HPR: variants seen among roughly 807,000 people sequenced by gnomAD.
HPR encodes haptoglobin-related protein.
In HPR, 17 loss-of-function variants were observed where a neutral mutation model predicts 18.5. The observed-to-expected ratio is 0.92, with a 90% CI of 0.63 to 1.38. The LOEUF (loss-of-function observed/expected upper bound fraction) is 1.38. HPR is among the 40% of genes most tolerant of loss of function. The pLI, the probability that HPR is intolerant of heterozygous loss-of-function variation, is 0.00. For synonymous variants in HPR, 176 were observed against 165.0 expected (o/e 1.07, Z -0.51); for missense variants, 457 against 432.4 (o/e 1.06, Z -0.51).
chr16:72,076,440 G>A lies in HPR; in HGVS notation c.406G>A (p.Glu136Lys), dbSNP rs1009187050. ...NLTTGATLIN[E>K]QWLLTTAKNL... is the part of the protein sequence containing the mutation. ...CACCACAGGGGCCACGCTGATCAAT[G>A]AACAATGGCTGCTGACCACGGCTAA... Residue 136 changes from glutamate to lysine, a missense_variant, in exon 5 of 5, where the codon GAA becomes AAA. By Grantham distance (56) the Glu-to-Lys change is moderately conservative (BLOSUM62 1). Coordinates refer to ENST00000540303, the MANE Select transcript of HPR (RefSeq NM_020995.4). 3 of 1,614,044 alleles carry A rather than the reference G, an allele frequency of 1.9e-6. No individual in the cohort carries two copies. The highest frequency in any genetic ancestry group is 1.3e-5 in the African/African-American group (1 of 74,928).
intron 1 of HPR, among the ~76,000 whole-genome samples, chr16:72,071,294 G>A (rs2041652809): frequency 6.6e-6 from 1 of 152,172 alleles, no homozygotes; most frequent in South Asian, 2.1e-4. Flanking sequence ...CAAATGCTTG[G>A]CTAAAATGGA....
intron 1 of HPR, among the ~76,000 whole-genome samples, chr16:72,069,025 T>A (rs547256341): frequency 2.4e-4 from 37 of 152,274 alleles, no homozygotes; most frequent in Non-Finnish European, 4.1e-4. Flanking sequence ...ACACAACGGG[T>A]ATCCAGTAAT....
At chr16:72,068,021 G>A (rs2041615868) in intron 1 of HPR, among the ~76,000 whole-genome samples, 1 of 152,130 alleles carries the variant, frequency 6.6e-6, no homozygotes, top group Non-Finnish European at 1.5e-5. Flanking sequence ...GAAAACAATG[G>A]TATCAATGGA....
At chr16:72,073,766 GTGTGTGTGTATGCA>G (rs2041682281) in intron 1 of HPR, 112 bp from the exon 2 acceptor site, 3 of 1,580,356 alleles carry the variant, frequency 1.9e-6, no homozygotes, top group Non-Finnish European at 8.6e-7. Flanking sequence ...AGTGGGAGGA[GTGTGTGTGTATGCA>G]TGTGTGTGTG....
intron 1 of HPR, among the ~76,000 whole-genome samples, chr16:72,070,445 T>A (rs1276167835): frequency 6.6e-6 from 1 of 152,144 alleles, no homozygotes; most frequent in Admixed American, 6.5e-5. Flanking sequence ...TCAAACCAGC[T>A]TGGGAAGGAC....
intron 1 of HPR, among the ~76,000 whole-genome samples, chr16:72,065,324 C>T (rs1031007012): frequency 2.6e-5 from 4 of 151,960 alleles, no homozygotes; most frequent in Admixed American, 6.6e-5. Flanking sequence ...GATTGAGCCA[C>T]AGAAAGCTCC....
chr16:72,064,311 C>A (rs1404581018), intron 1 of HPR, among the ~76,000 whole-genome samples: 1 of 152,144 alleles, frequency 6.6e-6, no homozygotes, highest in African/African-American at 2.4e-5. Context: ...GTTTAGCCTG[C>A]TTAAGTTTCC....
rs760725981 is a variant in HPR, at chr16:72,067,548, G to A, written c.5+4288G>A. Among the ~76,000 whole-genome samples the A allele has an allele frequency of 1.3e-4, 20 of 152,108 alleles. 1 individual carries two copies. Among genetic ancestry groups the A allele is most frequent in the Non-Finnish European group, 2.1e-4 (14 of 68,036 alleles). ...CTTCATTAAACTTACTCACCACGGC[G>A]GATGAGAAATACATTCATCCTGATG... On this transcript the variant is annotated intron_variant, in intron 1 of 4. Coordinates refer to ENST00000540303, the MANE Select transcript of HPR (RefSeq NM_020995.4).
intron 1 of HPR, among the ~76,000 whole-genome samples, chr16:72,070,986 G>C (rs1256694719): frequency 6.6e-6 from 1 of 152,052 alleles, no homozygotes; most frequent in African/African-American, 2.4e-5. Context: ...ACCCCTCATT[G>C]CTAATTATAG....
At chr16:72,074,195 T>C in intron 2 of HPR, 89 bp from the exon 3 acceptor site, 1 of 1,297,070 alleles carries the variant, frequency 7.7e-7, no homozygotes, top group Non-Finnish European at 1.1e-6. Flanking sequence ...GAGATTGATG[T>C]GCAGAGCAGC....
Position 72,076,518 on chromosome 16 carries a change from A to G in HPR, c.484A>G (p.Thr162Ala). 6.2e-7 allele frequency: 1 copy of G among 1,614,110 alleles called. No homozygotes were observed. The highest frequency in any genetic ancestry group is 1.1e-5 in the South Asian group (1 of 91,074). Residue 162 changes from threonine (T) to alanine (A), a missense_variant, in exon 5 of 5, where the codon ACT becomes GCT. Coordinates refer to ENST00000540303, the MANE Select transcript of HPR (RefSeq NM_020995.4). ...TGCAACAGCGAAAGACATTGCCCCT[A>G]CTTTAACACTCTATGTGGGGAAAAA... ...ENATAKDIAP[T>A]LTLYVGKKQL...
intron 1 of HPR, 110 bp from the exon 2 acceptor site, chr16:72,073,780 ATG>A (rs754171130): frequency 2.0e-5 from 32 of 1,586,940 alleles, no homozygotes; most frequent in East Asian, 9.2e-5. Flanking sequence ...GTGTGTATGC[ATG>A]TGTGTGTGTG....
At chr16:72,074,430 C>A in intron 3 of HPR, 45 bp downstream of exon 3, 1 of 1,471,186 alleles carries the variant, frequency 6.8e-7, no homozygotes, top group Non-Finnish European at 9.5e-7. Flanking sequence ...ACAACCCCTG[C>A]TCTGACATTT....
At chr16:72,065,376 A>C (rs1363446244) in intron 1 of HPR, among the ~76,000 whole-genome samples, 1 of 152,114 alleles carries the variant, frequency 6.6e-6, no homozygotes, top group Non-Finnish European at 1.5e-5. Flanking sequence ...GAACTGAGCC[A>C]CAGCAAGCCT....
rs536378160 is a variant in HPR, at chr16:72,067,732, G to A, written c.5+4472G>A. ...TATAATTGAAAGTCTCATTAATGATGGGCTTCTTGAACCCTGTATGTCTCC... is the reference window on the plus strand; with the variant it reads ...TATAATTGAAAGTCTCATTAATGATAGGCTTCTTGAACCCTGTATGTCTCC... On this transcript the variant is annotated intron_variant, in intron 1 of 4. Coordinates refer to ENST00000540303, the MANE Select transcript of HPR (RefSeq NM_020995.4). Among the ~76,000 whole-genome samples the A allele has an allele frequency of 3.1e-3, 467 of 152,158 alleles. 1 individual carries two copies. Among genetic ancestry groups the A allele is most frequent in the South Asian group, 0.013 (65 of 4,816 alleles).
At chr16:72,063,928 C>A (rs3794695) in intron 1 of HPR, among the ~76,000 whole-genome samples, 1 of 151,820 alleles carries the variant, frequency 6.6e-6, no homozygotes, top group African/African-American at 2.4e-5. Context: ...TTTTTAGTAG[C>A]GATGTGGTTC....
intron 4 of HPR, among the ~76,000 whole-genome samples, chr16:72,075,812 C>T (rs193140997): frequency 2.0e-5 from 3 of 151,936 alleles, no homozygotes; most frequent in Non-Finnish European, 4.4e-5. Flanking sequence ...TAGCTCCTAG[C>T]CCTTTCTTTT....
intron 1 of HPR, among the ~76,000 whole-genome samples, chr16:72,066,670 C>T (rs1485402892): frequency 6.6e-6 from 1 of 152,118 alleles, no homozygotes; most frequent in Admixed American, 6.6e-5. Flanking sequence ...TTTAGAAGAT[C>T]CCCTTGGGCA....
At chr16:72,066,119 T>C (rs1310571553) in intron 1 of HPR, among the ~76,000 whole-genome samples, 1 of 152,194 alleles carries the variant, frequency 6.6e-6, no homozygotes, top group Non-Finnish European at 1.5e-5. Flanking sequence ...TTTCCACACC[T>C]AAGGAGTCAG....
Sources: allele counts gnomAD v4.1 joint callset (sites outside exome capture counted in the v4.1 genomes callset), GRCh38; gene constraint gnomAD v4.1.1; transcripts MANE v1.5; gene names NCBI Gene and HGNC (gene_info 2026-07-23, HGNC 2026-07-21).